PTPRD: variants seen among roughly 807,000 people sequenced by gnomAD.
PTPRD encodes the protein receptor-type tyrosine-protein phosphatase delta.
In PTPRD, 34 loss-of-function variants were observed where a neutral mutation model predicts 214.5. The observed-to-expected ratio is 0.16, with a 90% CI of 0.12 to 0.21. PTPRD has a LOEUF of 0.21. PTPRD is among the 10% of genes least tolerant of loss of function. PTPRD has a pLI of 1.00. For synonymous variants in PTPRD, 1,128 were observed against 845.7 expected, an observed-to-expected ratio of 1.33 and a Z score of -5.79; for missense variants, 2,545 against 2,398.7, an observed-to-expected ratio of 1.06 and a Z score of -1.27.
At chr9:9,188,299 C>G (rs1332899822) in intron 9 of PTPRD, among the ~76,000 whole-genome samples, 1 of 151,944 alleles carries the variant, frequency 6.6e-6, no homozygotes, top group Non-Finnish European at 1.5e-5. Flanking sequence ...TGGGTAATTT[C>G]CAGTTTAAAG....
At chr9:9,152,683 T>C (rs1329895860) in intron 10 of PTPRD, among the ~76,000 whole-genome samples, 1 of 152,182 alleles carries the variant, frequency 6.6e-6, no homozygotes, top group Admixed American at 6.6e-5. Context: ...TAGAGGCTAG[T>C]CCAAAAGAGG....
At chr9:9,832,455 G>A (rs2055200870) in intron 5 of PTPRD, among the ~76,000 whole-genome samples, 1 of 151,858 alleles carries the variant, frequency 6.6e-6, no homozygotes, top group African/African-American at 2.4e-5. Context: ...GTCATTTACT[G>A]TTCCATGTTA....
intron 9 of PTPRD, among the ~76,000 whole-genome samples, chr9:9,318,629 C>A (rs574237002): frequency 6.6e-6 from 1 of 152,074 alleles, no homozygotes; most frequent in South Asian, 2.1e-4. Context: ...TCACTTTTTC[C>A]CTTTATAAAC....
chr9:8,736,114 G>C (rs1178247196), intron 11 of PTPRD, among the ~76,000 whole-genome samples: 1 of 152,120 alleles, frequency 6.6e-6, no homozygotes, highest in Non-Finnish European at 1.5e-5. Flanking sequence ...AATGCTATTA[G>C]GCCACAGCAA....
intron 7 of PTPRD, among the ~76,000 whole-genome samples, chr9:9,718,654 G>C (rs993008944): frequency 6.6e-6 from 1 of 152,206 alleles, no homozygotes; most frequent in African/African-American, 2.4e-5. Context: ...CTCTGTGGTG[G>C]AGCAAAGTTG....
At chr9:8,391,311 C>T (rs992300810) in intron 36 of PTPRD, among the ~76,000 whole-genome samples, 6 of 152,224 alleles carry the variant, frequency 3.9e-5, no homozygotes, top group South Asian at 2.1e-4. Context: ...GATGAACACA[C>T]GGATATGGAA....
chr9:8,966,322 A>G (rs765436130), intron 11 of PTPRD, among the ~76,000 whole-genome samples: 1 of 152,130 alleles, frequency 6.6e-6, no homozygotes, highest in Non-Finnish European at 1.5e-5. Context: ...ACCAAACCAA[A>G]GGCATCTCAT....
At chr9:10,060,897 CTTCTTTCT>C (rs369686972) in intron 3 of PTPRD, among the ~76,000 whole-genome samples, 9,921 of 69,530 alleles carry the variant, frequency 0.14, 882 homozygotes, top group East Asian at 0.17. Context: ...TCCTTCCTTC[CTTCTTTCT>C]TTCTTTCTTT....
At chr9:10,589,054 C>T (rs2074709845) in intron 2 of PTPRD, among the ~76,000 whole-genome samples, 1 of 151,840 alleles carries the variant, frequency 6.6e-6, no homozygotes, top group African/African-American at 2.4e-5. Flanking sequence ...AGGGCTGGAC[C>T]CAAATAATTG....
chr9:10,570,871 G>A (rs1268998936), intron 2 of PTPRD, among the ~76,000 whole-genome samples: 3 of 151,404 alleles, frequency 2.0e-5, no homozygotes, highest in Non-Finnish European at 4.4e-5. Flanking sequence ...TTGCAAACAA[G>A]GTGAGTCTTC....
At chr9:9,836,716 CTG>C (rs1426972158) in intron 5 of PTPRD, among the ~76,000 whole-genome samples, 5 of 152,102 alleles carry the variant, frequency 3.3e-5, no homozygotes, top group Admixed American at 3.3e-4. Context: ...TACTTACTAC[CTG>C]TGTGAATTTG....
At chr9:9,826,608 T>A (rs1242373034) in intron 5 of PTPRD, among the ~76,000 whole-genome samples, 1 of 152,040 alleles carries the variant, frequency 6.6e-6, no homozygotes, top group Non-Finnish European at 1.5e-5. Flanking sequence ...TATTCTGCTA[T>A]TTGGTACTCA....
rs541277889 is a variant in PTPRD, at chr9:10,163,736, T to C, written c.-544-129946A>G. ...TATTCTCAAAGAATATTCTTCTTAGTAATCCTCTTCAAAAATATATTGAAA... is the reference window on the plus strand; with the variant it reads ...TATTCTCAAAGAATATTCTTCTTAGCAATCCTCTTCAAAAATATATTGAAA... On this transcript the variant is annotated intron_variant, in intron 3 of 45. Transcript: ENST00000381196. 9.2e-5 allele frequency among the ~76,000 whole-genome samples: 14 copies of C among 151,540 alleles called. No homozygotes were observed. The South Asian group carries it at 2.5e-3, about 27-fold the overall frequency.
At chr9:9,672,626 T>A (rs557531514) in intron 7 of PTPRD, among the ~76,000 whole-genome samples, 2 of 152,070 alleles carry the variant, frequency 1.3e-5, no homozygotes, top group Non-Finnish European at 2.9e-5. Flanking sequence ...AGAATGAGAT[T>A]TGAAGTAAAT....
intron 7 of PTPRD, among the ~76,000 whole-genome samples, chr9:9,666,565 T>G (rs1428120303): frequency 6.6e-6 from 1 of 151,978 alleles, no homozygotes; most frequent in East Asian, 1.9e-4. Context: ...ACAATAATCA[T>G]CATCATGGCA....
chr9:8,387,620 C>A (rs1348810833), intron 37 of PTPRD, among the ~76,000 whole-genome samples: 1 of 152,196 alleles, frequency 6.6e-6, no homozygotes, highest in Non-Finnish European at 1.5e-5. Flanking sequence ...TGTCAACAGG[C>A]AGTATGGCTT....
chr9:9,236,359 G>A (rs2099966723), intron 9 of PTPRD, among the ~76,000 whole-genome samples: 1 of 151,878 alleles, frequency 6.6e-6, no homozygotes, highest in Non-Finnish European at 1.5e-5. Context: ...ATTTAAAAAT[G>A]GACACAAAGG....
chr9:8,945,639 G>A (rs571950879), intron 11 of PTPRD, among the ~76,000 whole-genome samples: 1 of 151,934 alleles, frequency 6.6e-6, no homozygotes, highest in South Asian at 2.1e-4. Context: ...TGGTATTCAA[G>A]GCCTCTCTCA....
chr9:9,732,021 G>A (rs1321310267), intron 7 of PTPRD, among the ~76,000 whole-genome samples: 1 of 152,068 alleles, frequency 6.6e-6, no homozygotes. Flanking sequence ...AAAACAAAGA[G>A]TTCAAGGACA....
Sources: gnomAD v4.1 joint callset for allele counts (sites outside exome capture counted in the v4.1 genomes callset) on GRCh38, gnomAD v4.1.1 for gene constraint, MANE v1.5 for transcripts, NCBI Gene and HGNC (gene_info 2026-07-23, HGNC 2026-07-21) for gene names.